ATG10: variants seen among roughly 807,000 people sequenced by gnomAD.
The protein encoded by ATG10 is autophagy related 10.
ATG10 carries 30 observed loss-of-function variants against 32.1 expected under a neutral mutation model. The ratio of observed to expected loss-of-function variants is 0.94; its 90% CI spans 0.70 to 1.27. The LOEUF (loss-of-function observed/expected upper bound fraction) is 1.27. ATG10 is among the 50% of genes most tolerant of loss of function. ATG10 has a pLI of 0.00. For missense variants in ATG10, 233 were observed against 262.3 expected, an observed-to-expected ratio of 0.89 and a Z score of 0.77; for synonymous variants, 87 against 91.5, an observed-to-expected ratio of 0.95 and a Z score of 0.28.
chr5:82,045,367 C>T (rs981020084), intron 2 of ATG10, among the ~76,000 whole-genome samples: 7 of 151,862 alleles, frequency 4.6e-5, no homozygotes, highest in African/African-American at 7.3e-5. Context: ...AGTTTAAGGT[C>T]GCCAGTTTTC....
intron 2 of ATG10, among the ~76,000 whole-genome samples, chr5:82,003,596 G>GA (rs1448095509): frequency 6.6e-6 from 1 of 152,170 alleles, no homozygotes; most frequent in African/African-American, 2.4e-5. Flanking sequence ...GTAATTGTTT[G>GA]AAACACATGT....
chr5:81,975,581 C>T (rs1295222665), intron 1 of ATG10, among the ~76,000 whole-genome samples: 6 of 152,020 alleles, frequency 3.9e-5, no homozygotes, highest in African/African-American at 1.5e-4. Flanking sequence ...ACTCAAGAGG[C>T]TGAGGCGGGA....
chr5:82,003,911 A>C (rs1049478141), intron 2 of ATG10, among the ~76,000 whole-genome samples: 2 of 152,204 alleles, frequency 1.3e-5, no homozygotes, highest in African/African-American at 2.4e-5. Flanking sequence ...AGGCCAAGGC[A>C]GGCGGATCAC....
intron 2 of ATG10, among the ~76,000 whole-genome samples, chr5:82,043,658 A>T (rs1396435066): frequency 6.6e-6 from 1 of 152,224 alleles, no homozygotes; most frequent in Non-Finnish European, 1.5e-5. Flanking sequence ...GAAACAGCCA[A>T]GTTACCTCTT....
intron 3 of ATG10, among the ~76,000 whole-genome samples, chr5:82,109,852 G>A (rs1259141869): frequency 1.3e-5 from 2 of 151,274 alleles, no homozygotes; most frequent in Admixed American, 1.3e-4. Context: ...TGTGCACAAT[G>A]TGCAGGTTTG....
rs574999167 is a variant in ATG10, at chr5:82,117,968, T to G, written c.217-46431T>G. ...AGATAACAGAGTCATGATTGGGCCA[T>G]AAGAGGAGATGTTGCTGTCAGAGAG... is the stretch of plus-strand genomic sequence containing the variant. On this transcript the variant is annotated intron_variant, in intron 3 of 7. Coordinates refer to ENST00000282185, the MANE Select transcript of ATG10 (RefSeq NM_031482.5). Among the ~76,000 whole-genome samples, 175 of 152,056 alleles carry G rather than the reference T, an allele frequency of 1.2e-3. 2 individuals are homozygous for G. The highest frequency in any genetic ancestry group is 2.3e-3 in the Admixed American group (35 of 15,258).
intron 5 of ATG10, among the ~76,000 whole-genome samples, chr5:82,201,507 A>G (rs887055605): frequency 2.0e-5 from 3 of 152,124 alleles, no homozygotes; most frequent in Admixed American, 6.5e-5. Flanking sequence ...TCATTGATCT[A>G]TTTTTCTGTT....
chr5:82,089,973 A>G (rs964977110), intron 3 of ATG10, among the ~76,000 whole-genome samples: 2 of 152,080 alleles, frequency 1.3e-5, no homozygotes, highest in Admixed American at 1.3e-4. Context: ...GATGACAAGC[A>G]CATGAAAAGA....
chr5:82,012,747 C>T (rs112396743), intron 2 of ATG10, among the ~76,000 whole-genome samples: 7,215 of 152,118 alleles, frequency 0.047, 211 homozygotes, highest in South Asian at 0.088. Context: ...CCTCCACCTC[C>T]GAGGTTAAAG....
chr5:82,240,675 T>C (rs1010828808), intron 5 of ATG10, among the ~76,000 whole-genome samples: 2 of 152,140 alleles, frequency 1.3e-5, no homozygotes, highest in Non-Finnish European at 2.9e-5. Context: ...GTTCCCAACA[T>C]AAAGAAATGA....
intron 3 of ATG10, among the ~76,000 whole-genome samples, chr5:82,076,083 C>CA (rs1313874755): frequency 6.6e-6 from 1 of 152,096 alleles, no homozygotes; most frequent in Admixed American, 6.5e-5. Flanking sequence ...TCCATTAACC[C>CA]TAGGAGTTAG....
At chr5:81,972,745 C>A (rs1014461458) in intron 1 of ATG10, among the ~76,000 whole-genome samples, 13 of 152,022 alleles carry the variant, frequency 8.6e-5, no homozygotes, top group African/African-American at 3.1e-4. Context: ...TATTTAGAGC[C>A]AACAGGTCTT....
At chr5:82,132,250 A>AT (rs1007147874) in intron 3 of ATG10, among the ~76,000 whole-genome samples, 200 of 151,774 alleles carry the variant, frequency 1.3e-3, no homozygotes, top group African/African-American at 4.5e-3. Flanking sequence ...TATTATTATT[A>AT]TTTTTTTTTA....
intron 5 of ATG10, among the ~76,000 whole-genome samples, chr5:82,231,986 A>G (rs1323026433): frequency 2.0e-5 from 3 of 152,236 alleles, no homozygotes; most frequent in Non-Finnish European, 4.4e-5. Flanking sequence ...AAGTAATGAT[A>G]GGTAATAGAT....
intron 2 of ATG10, among the ~76,000 whole-genome samples, chr5:82,007,921 C>T (rs1213334883): frequency 6.6e-6 from 1 of 152,012 alleles, no homozygotes; most frequent in Non-Finnish European, 1.5e-5. Flanking sequence ...TTTATAAAGA[C>T]AATATGCTTA....
chr5:82,218,276 C>T (rs1745775636), intron 5 of ATG10, among the ~76,000 whole-genome samples: 1 of 152,122 alleles, frequency 6.6e-6, no homozygotes, highest in Non-Finnish European at 1.5e-5. Context: ...GCTTTCTGTA[C>T]CATGTGGTTC....
chr5:82,060,517 G>T (rs967200345), intron 3 of ATG10, among the ~76,000 whole-genome samples: 1 of 152,164 alleles, frequency 6.6e-6, no homozygotes, highest in Admixed American at 6.5e-5. Context: ...TCTCTAGATG[G>T]ATACAGTCAT....
chr5:82,006,155 C>T (rs1761981547), intron 2 of ATG10, among the ~76,000 whole-genome samples: 1 of 152,070 alleles, frequency 6.6e-6, no homozygotes, highest in South Asian at 2.1e-4. Context: ...AAACCCTTTG[C>T]CATTATGCTA....
At chr5:82,244,549 G>A (rs1341614409) in intron 5 of ATG10, among the ~76,000 whole-genome samples, 1 of 152,104 alleles carries the variant, frequency 6.6e-6, no homozygotes, top group Non-Finnish European at 1.5e-5. Flanking sequence ...TTAGCATGAG[G>A]GAGATACCTG....
Sources: allele counts gnomAD v4.1 joint callset (sites outside exome capture counted in the v4.1 genomes callset), GRCh38; gene constraint gnomAD v4.1.1; transcripts MANE v1.5; gene names NCBI Gene and HGNC (gene_info 2026-07-23, HGNC 2026-07-21).